Variants in MAPK10 observed in about 807,000 individuals in gnomAD.
MAPK10 encodes mitogen-activated protein kinase 10, also known as JNK3 alpha protein kinase.
A neutral mutation model predicts 59.3 loss-of-function variants in MAPK10; 25 were observed. That is an observed-to-expected ratio of 0.42 (90% CI 0.31 to 0.59). The LOEUF (loss-of-function observed/expected upper bound fraction) is 0.59, where lower values mean the gene tolerates loss of function less well. Among genes scored for constraint, MAPK10 ranks in the 20% least tolerant of loss-of-function variants. The pLI is 0.15. For missense variants in MAPK10, 351 were observed against 568.9 expected, an observed-to-expected ratio of 0.62 and a Z score of 3.90; for synonymous variants, 190 against 200.5, an observed-to-expected ratio of 0.95 and a Z score of 0.44.
At chr4:86,131,803 T>C (rs887253794) in intron 4 of MAPK10, among the ~76,000 whole-genome samples, 8 of 152,158 alleles carry the variant, frequency 5.3e-5, no homozygotes, top group African/African-American at 1.7e-4. Flanking sequence ...TGAGCTAACA[T>C]GGACTATCAA....
intron 2 of MAPK10, among the ~76,000 whole-genome samples, chr4:86,248,886 G>A (rs1392995365): frequency 6.6e-6 from 1 of 152,174 alleles, no homozygotes; most frequent in Non-Finnish European, 1.5e-5. Context: ...TTATAATGGT[G>A]AGAATAAAGA....
intron 2 of MAPK10, among the ~76,000 whole-genome samples, chr4:86,317,026 T>C (rs1285974219): frequency 6.6e-6 from 1 of 152,124 alleles, no homozygotes; most frequent in East Asian, 1.9e-4. Context: ...GCAGTCTCTA[T>C]CTAGTCCATA....
At chr4:86,049,804 C>G (rs953992469) in intron 11 of MAPK10, among the ~76,000 whole-genome samples, 1 of 152,112 alleles carries the variant, frequency 6.6e-6, no homozygotes, top group Non-Finnish European at 1.5e-5. Flanking sequence ...AACTACTTCA[C>G]TAGCTTCCTA....
At chr4:86,280,836 A>T (rs1446851802) in intron 2 of MAPK10, among the ~76,000 whole-genome samples, 1 of 152,196 alleles carries the variant, frequency 6.6e-6, no homozygotes, top group Admixed American at 6.6e-5. Flanking sequence ...AAGTGAATTA[A>T]CACAGAAACA....
intron 1 of MAPK10, among the ~76,000 whole-genome samples, chr4:86,487,384 T>TGTAG (rs60716642): frequency 6.1e-4 from 91 of 148,468 alleles, no homozygotes; most frequent in African/African-American, 7.7e-4. Flanking sequence ...TGTGTGTGTG[T>TGTAG]AGAGAGAGAA....
At chr4:86,105,264 G>A (rs538043259) in intron 5 of MAPK10, among the ~76,000 whole-genome samples, 40 of 152,110 alleles carry the variant, frequency 2.6e-4, no homozygotes, top group Non-Finnish European at 5.4e-4. Flanking sequence ...TTATTAATGC[G>A]AAATTTACAT....
chr4:86,584,227 C>T (rs1005409395), intron 1 of MAPK10, among the ~76,000 whole-genome samples: 7 of 152,126 alleles, frequency 4.6e-5, no homozygotes, highest in African/African-American at 1.7e-4. Context: ...CTTTGGTAGG[C>T]AGTTTGGGAA....
At chr4:86,208,938 TAAG>T (rs1035776357) in intron 2 of MAPK10, among the ~76,000 whole-genome samples, 12 of 151,986 alleles carry the variant, frequency 7.9e-5, no homozygotes, top group Non-Finnish European at 7.4e-5. Flanking sequence ...TATAGGGAAA[TAAG>T]AAGATTAATA....
intron 2 of MAPK10, among the ~76,000 whole-genome samples, chr4:86,225,164 G>A (rs12498923): frequency 0.085 from 12,944 of 152,220 alleles, 1,227 homozygotes; most frequent in African/African-American, 0.23. Flanking sequence ...GTGCTTGGAA[G>A]TTTGGCCCTG....
chr4:86,114,014 T>C (rs1315526573), intron 4 of MAPK10, among the ~76,000 whole-genome samples: 1 of 152,216 alleles, frequency 6.6e-6, no homozygotes, highest in Non-Finnish European at 1.5e-5. Flanking sequence ...TGGCTATTGA[T>C]ACTTGTGGTT....
In MAPK10 at chr4:86,194,393, G is replaced by A. The variant is rs768759405; in HGVS notation, c.9C>T (p.Leu3=). The stretch of plus-strand genomic sequence containing the variant: ...GTTCACTGCAGTAGTATAAGAAATG[G>A]AGGCTCATAAATACCTAGAGGAAAA... The part of the protein sequence containing the change: MS[L]HFLYYCSEPT... The change falls in exon 3 of 14, where the codon CTC becomes CTT. Residue 3 remains leucine, a synonymous_variant. Transcript: ENST00000641462. The A allele has an allele frequency of 3.1e-6, 5 of 1,607,154 alleles. No homozygotes were observed. Among genetic ancestry groups the A allele is most frequent in the South Asian group, 1.1e-5 (1 of 90,890 alleles).
At chr4:86,590,754 C>G (rs940195570) in intron 1 of MAPK10, among the ~76,000 whole-genome samples, 4 of 152,004 alleles carry the variant, frequency 2.6e-5, no homozygotes, top group Non-Finnish European at 5.9e-5. Flanking sequence ...CTACTACACT[C>G]CAGCCTGGGT....
intron 2 of MAPK10, among the ~76,000 whole-genome samples, chr4:86,247,408 T>G (rs1329022358): frequency 6.6e-6 from 1 of 152,248 alleles, no homozygotes; most frequent in East Asian, 1.9e-4. Flanking sequence ...TATACATTTT[T>G]GTTAACTCCC....
chr4:86,573,558 T>G (rs79919987), intron 1 of MAPK10, among the ~76,000 whole-genome samples: 7,131 of 152,288 alleles, frequency 0.047, 222 homozygotes, highest in African/African-American at 0.059. Flanking sequence ...TTTAAAATCA[T>G]TTTGCTTATA....
chr4:86,257,411 T>C (rs1168353194), intron 2 of MAPK10, among the ~76,000 whole-genome samples: 2 of 152,200 alleles, frequency 1.3e-5, no homozygotes, highest in Non-Finnish European at 2.9e-5. Flanking sequence ...CCCTAGGCAG[T>C]CTTCTTGAGT....
chr4:86,477,017 C>T (rs1753147064), intron 1 of MAPK10, among the ~76,000 whole-genome samples: 1 of 152,192 alleles, frequency 6.6e-6, no homozygotes, highest in African/African-American at 2.4e-5. Context: ...ACCCAAGGCT[C>T]TCTGACTGAC....
chr4:86,058,014 A>G (rs1038313316), intron 11 of MAPK10, among the ~76,000 whole-genome samples: 6 of 149,946 alleles, frequency 4.0e-5, no homozygotes, highest in Non-Finnish European at 7.4e-5. Context: ...ATCAACACAT[A>G]AAAGGAAGGA....
intron 1 of MAPK10, among the ~76,000 whole-genome samples, chr4:86,586,497 G>C (rs956753864): frequency 1.3e-5 from 2 of 152,088 alleles, no homozygotes; most frequent in African/African-American, 2.4e-5. Context: ...CTCTCCTTTA[G>C]GGTTTAAAAT....
chr4:86,550,398 A>AAAAAC (rs1759678290), intron 1 of MAPK10, among the ~76,000 whole-genome samples: 1 of 127,452 alleles, frequency 7.8e-6, no homozygotes, highest in Admixed American at 8.2e-5. Context: ...AAAAAAAAAA[A>AAAAAC]AAAAAAAAAA....
Sources: gnomAD v4.1 joint callset for allele counts (sites outside exome capture counted in the v4.1 genomes callset) on GRCh38, gnomAD v4.1.1 for gene constraint, MANE v1.5 for transcripts, NCBI Gene and HGNC (gene_info 2026-07-23, HGNC 2026-07-21) for gene names.